The following CFAP69 variants were observed in gnomAD, a reference collection of about 807,000 sequenced individuals.
CFAP69 encodes cilia and flagella associated protein 69.
CFAP69 carries 92 observed loss-of-function variants against 123.0 expected under a neutral mutation model. The observed-to-expected ratio is 0.75, with a 90% CI of 0.63 to 0.89. The LOEUF (loss-of-function observed/expected upper bound fraction) is 0.89. Ranked by LOEUF, CFAP69 falls within the 40% of genes least tolerant of loss-of-function variation. The probability of loss-of-function intolerance (pLI) is 0.00; values close to 1 mark genes in which losing one functional copy is unlikely to be tolerated. For missense variants in CFAP69, 1,067 were observed against 1,096.9 expected, an observed-to-expected ratio of 0.97 and a Z score of 0.39; for synonymous variants, 380 against 364.3, an observed-to-expected ratio of 1.04 and a Z score of -0.49.
chr7:90,283,489 A>G (rs528492715), intron 13 of CFAP69, among the ~76,000 whole-genome samples: 29 of 152,314 alleles, frequency 1.9e-4, no homozygotes, highest in Middle Eastern at 3.4e-3. Context: ...GATATGAAAT[A>G]TCAGAATATC....
Position 90,271,685 on chromosome 7 carries a change from T to C in CFAP69, c.682+10T>C, listed in dbSNP as rs771568463. The stretch of plus-strand genomic sequence containing the variant: ...CATCTCTCAACTTCTGGTTTGTATA[T>C]TATTAAGTTTAAACACTTCATTGTC... On this transcript the variant is annotated intron_variant, in intron 7 of 22. Coordinates refer to ENST00000389297, the MANE Select transcript of CFAP69 (RefSeq NM_001039706.3). 1.6e-5 allele frequency: 26 copies of C among 1,611,236 alleles called. No individual in the cohort carries two copies. In the East Asian group the frequency reaches 2.9e-4, roughly 18 times the overall value.
chr7:90,260,795 T>C (rs1409735914), intron 3 of CFAP69, among the ~76,000 whole-genome samples: 1 of 151,958 alleles, frequency 6.6e-6, no homozygotes, highest in East Asian at 1.9e-4. Context: ...ATTTTTTTTT[T>C]CTTCATGTTA....
chr7:90,307,643 T>G (rs1793793804), intron 20 of CFAP69, 125 bp from the exon 21 acceptor site: 1 of 559,386 alleles, frequency 1.8e-6, no homozygotes, highest in Admixed American at 3.6e-5. Context: ...TCTTAAATTT[T>G]TAAAAGGCAG....
chr7:90,279,612 A>G, intron 11 of CFAP69, 65 bp from the exon 12 acceptor site: 1 of 958,144 alleles, frequency 1.0e-6, no homozygotes. Flanking sequence ...GTAAATTTTT[A>G]TTTAATTGCC....
intron 19 of CFAP69, among the ~76,000 whole-genome samples, chr7:90,305,873 C>A (rs925205960): frequency 1.3e-5 from 2 of 150,974 alleles, no homozygotes; most frequent in African/African-American, 4.9e-5. Context: ...TAACATTGTC[C>A]TTCTACTAAT....
intron 1 of CFAP69, among the ~76,000 whole-genome samples, chr7:90,253,898 A>G (rs1797322927): frequency 6.6e-6 from 1 of 152,184 alleles, no homozygotes; most frequent in Admixed American, 6.5e-5. Flanking sequence ...TCCTACCCAA[A>G]AAAACCTGTG....
At chr7:90,279,994 T>C in intron 12 of CFAP69, 101 bp downstream of exon 12, 1 of 885,816 alleles carries the variant, frequency 1.1e-6, no homozygotes, top group Non-Finnish European at 1.6e-6. Flanking sequence ...ATTAAAGCAA[T>C]GAGAAGTAAA....
Position 90,309,369 on chromosome 7 carries a change from TA to T in CFAP69, c.2655+4del. 1.4e-6 allele frequency: 2 copies of T among 1,446,756 alleles called. No homozygotes were observed. Among genetic ancestry groups the T allele is most frequent in the Non-Finnish European group, 9.5e-7 (1 of 1,054,202 alleles). 89.6% of individuals were successfully genotyped at this position (1,446,756 alleles called of 1,614,324 possible). A position where few individuals can be genotyped will look rare whatever the true frequency, so the allele number is the denominator to read the frequency against. ...CATATTAAAGGCCTTAACACAACGG[TA>T]AGATTCTTTCTCCATAACATTTTCT... On this transcript the variant is annotated splice_donor_region_variant and intron_variant, in intron 22 of 22. Transcript: ENST00000389297.
Position 90,282,963 on chromosome 7 carries a change from T to C in CFAP69, c.1444T>C (p.Tyr482His). 6.2e-7 allele frequency: 1 copy of C among 1,600,502 alleles called. No individual in the cohort carries two copies. Among genetic ancestry groups the C allele is most frequent in the Non-Finnish European group, 8.5e-7 (1 of 1,174,204 alleles). ...GRGNKFAQMR[Y>H]SLRLLRAVVY... is the part of the protein sequence containing the mutation. ...AGGCAACAAGTTTGCCCAGATGCGT[T>C]ACAGTTTAAGACTCCTGAGAGCCGT... Residue 482 changes from tyrosine (Y) to histidine (H), a missense_variant, in exon 13 of 23, where the codon TAC becomes CAC. Tyr to His is a moderately conservative substitution (Grantham distance 83). Transcript: ENST00000389297.
chr7:90,315,967 G>T (rs1349744166), downstream of CFAP69, among the ~76,000 whole-genome samples: 1 of 152,080 alleles, frequency 6.6e-6, no homozygotes, highest in African/African-American at 2.4e-5. Flanking sequence ...GGTGGCAGGT[G>T]CCTATAATCC....
chr7:90,262,202 G>A, intron 4 of CFAP69, 146 bp downstream of exon 4: 1 of 529,518 alleles, frequency 1.9e-6, no homozygotes, highest in East Asian at 3.6e-5. Context: ...TCCAGCAGTT[G>A]GCATTTCAGG....
chr7:90,256,987 CA>C (rs1281224968), intron 2 of CFAP69, among the ~76,000 whole-genome samples: 1 of 152,184 alleles, frequency 6.6e-6, no homozygotes, highest in Non-Finnish European at 1.5e-5. Flanking sequence ...GTTAAAAATA[CA>C]ATCTCTACAG....
chr7:90,281,514 G>A (rs1200809455), intron 12 of CFAP69, among the ~76,000 whole-genome samples: 2 of 152,146 alleles, frequency 1.3e-5, no homozygotes, highest in African/African-American at 4.8e-5. Context: ...CTGCCAATCA[G>A]TGAGGGAAGG....
At chr7:90,265,902 G>A (rs184288979) in intron 5 of CFAP69, 1 of 152,134 alleles carries the variant, frequency 6.6e-6, no homozygotes. Flanking sequence ...CTTATGTATG[G>A]GTTATCACTT....
At chr7:90,253,451 T>C (rs17874784) in intron 1 of CFAP69, among the ~76,000 whole-genome samples, 9,978 of 152,248 alleles carry the variant, frequency 0.066, 466 homozygotes, top group South Asian at 0.2. Context: ...AGTGCAGTGG[T>C]GTGATCTCGA....
intron 22 of CFAP69, among the ~76,000 whole-genome samples, chr7:90,309,596 G>A (rs530653997): frequency 6.6e-6 from 1 of 151,440 alleles, no homozygotes; most frequent in East Asian, 1.9e-4. Context: ...TTATGTCAAT[G>A]GGATTTTCAT....
chr7:90,314,559 G>T, downstream of CFAP69, among the ~76,000 whole-genome samples: 1 of 151,584 alleles, frequency 6.6e-6, no homozygotes, highest in Non-Finnish European at 1.5e-5. Flanking sequence ...AGCCCAGGAG[G>T]TTGAAGTTGC....
intron 2 of CFAP69, among the ~76,000 whole-genome samples, chr7:90,256,252 A>C (rs887126478): frequency 1.3e-5 from 2 of 152,192 alleles, no homozygotes; most frequent in Non-Finnish European, 1.5e-5. Context: ...GCTGGAAACC[A>C]TAATTCTCAG....
At chr7:90,319,494 T>G in the CFAP69 span, 1 of 398,582 alleles carries the variant, frequency 2.5e-6, no homozygotes, top group Admixed American at 4.4e-5. Context: ...CATTATAATG[T>G]CCAGGCCGCT....
Sources: allele counts gnomAD v4.1 joint callset (sites outside exome capture counted in the v4.1 genomes callset), GRCh38; gene constraint gnomAD v4.1.1; transcripts MANE v1.5; gene names NCBI Gene and HGNC (gene_info 2026-07-23, HGNC 2026-07-21).